Variants in RNGTT observed in about 807,000 individuals in gnomAD.
The protein encoded by RNGTT is mRNA-capping enzyme.
A neutral mutation model predicts 79.3 loss-of-function variants in RNGTT; 33 were observed. The ratio of observed to expected loss-of-function variants is 0.42; its 90% CI spans 0.32 to 0.56. The LOEUF (loss-of-function observed/expected upper bound fraction) is 0.56. Ranked by LOEUF, RNGTT falls within the 20% of genes least tolerant of loss-of-function variation. RNGTT has a pLI of 0.17. For missense variants in RNGTT, 497 were observed against 739.1 expected (o/e 0.67, Z 3.80); for synonymous variants, 222 against 235.9 (o/e 0.94, Z 0.54).
At chr6:88,892,072 C>G (rs1783068940) in intron 6 of RNGTT, among the ~76,000 whole-genome samples, 157 bp from the exon 7 acceptor site, 1 of 152,022 alleles carries the variant, frequency 6.6e-6, no homozygotes, top group Non-Finnish European at 1.5e-5. Context: ...ATAAACTCCC[C>G]TAAGATTGTA....
At chr6:88,803,509 G>A (rs548335052) in intron 11 of RNGTT, among the ~76,000 whole-genome samples, 9 of 150,390 alleles carry the variant, frequency 6.0e-5, no homozygotes, top group East Asian at 2.0e-4. Context: ...CCCAGGAGGC[G>A]GAGGTTGCAG....
At chr6:88,794,524 G>C (rs998815851) in intron 12 of RNGTT, among the ~76,000 whole-genome samples, 1 of 152,080 alleles carries the variant, frequency 6.6e-6, no homozygotes, top group Non-Finnish European at 1.5e-5. Flanking sequence ...CGCTATCCTA[G>C]ACAATGGAGG....
intron 13 of RNGTT, among the ~76,000 whole-genome samples, chr6:88,721,524 C>A (rs1368483750): frequency 6.6e-6 from 1 of 151,996 alleles, no homozygotes; most frequent in Non-Finnish European, 1.5e-5. Context: ...ATGCTTTCAG[C>A]CCACACTCTA....
intron 11 of RNGTT, among the ~76,000 whole-genome samples, chr6:88,819,028 T>A (rs1167513755): frequency 6.6e-6 from 1 of 152,178 alleles, no homozygotes; most frequent in Non-Finnish European, 1.5e-5. Context: ...TTCAACCTAC[T>A]TTCTTTCAGT....
chr6:88,643,786 G>C (rs1773418991), intron 14 of RNGTT, among the ~76,000 whole-genome samples: 4 of 152,180 alleles, frequency 2.6e-5, no homozygotes, highest in East Asian at 3.8e-4. Context: ...CAGAAATAAA[G>C]ATGTTCTTTG....
chr6:88,808,270 G>C (rs6941551), intron 11 of RNGTT, among the ~76,000 whole-genome samples: 6,135 of 152,114 alleles, frequency 0.04, 413 homozygotes, highest in African/African-American at 0.14. Flanking sequence ...TGTATAAAAG[G>C]AAATGAGGTA....
At chr6:88,945,512 T>G (rs1784979737) in intron 1 of RNGTT, among the ~76,000 whole-genome samples, 1 of 152,206 alleles carries the variant, frequency 6.6e-6, no homozygotes, top group Non-Finnish European at 1.5e-5. Context: ...TTTCTAGCTA[T>G]TCGTCCTCAA....
At chr6:88,797,939 G>GA (rs1779652028) in intron 12 of RNGTT, among the ~76,000 whole-genome samples, 1 of 55,756 alleles carries the variant, frequency 1.8e-5, no homozygotes, top group East Asian at 5.3e-4. Context: ...AGAAGCAAAA[G>GA]CCAAAAAAAA....
intron 13 of RNGTT, among the ~76,000 whole-genome samples, chr6:88,680,549 C>T (rs1162696365): frequency 1.3e-5 from 2 of 151,936 alleles, no homozygotes; most frequent in African/African-American, 4.8e-5. Flanking sequence ...TGAGACCAGC[C>T]TGACCAACAT....
chr6:88,860,003 C>T (rs188803073), intron 8 of RNGTT, among the ~76,000 whole-genome samples: 1 of 152,264 alleles, frequency 6.6e-6, no homozygotes, highest in East Asian at 1.9e-4. Context: ...ATGACATAAT[C>T]TCACCTGCAT....
intron 2 of RNGTT, among the ~76,000 whole-genome samples, chr6:88,932,425 A>G (rs1784540559): frequency 6.6e-6 from 1 of 152,022 alleles, no homozygotes; most frequent in African/African-American, 2.4e-5. Context: ...TTATTGCCCT[A>G]TGAAGCATGT....
chr6:88,657,375 G>A (rs1179693331), intron 14 of RNGTT, among the ~76,000 whole-genome samples: 3 of 152,206 alleles, frequency 2.0e-5, no homozygotes, highest in East Asian at 3.8e-4. Context: ...GGCACTCCTG[G>A]TCTCCAGCTT....
chr6:88,707,447 C>T (rs891777784), intron 13 of RNGTT, among the ~76,000 whole-genome samples: 7 of 151,926 alleles, frequency 4.6e-5, no homozygotes, highest in Admixed American at 3.3e-4. Flanking sequence ...TGAGCCTTCA[C>T]CTGAAAGGAA....
intron 14 of RNGTT, among the ~76,000 whole-genome samples, chr6:88,629,412 T>C (rs1202301644): frequency 1.3e-5 from 2 of 152,286 alleles, no homozygotes; most frequent in South Asian, 2.1e-4. Context: ...GATTTCTACA[T>C]TTAGAAGTAT....
At chr6:88,698,543 A>G (rs1775836160) in intron 13 of RNGTT, among the ~76,000 whole-genome samples, 1 of 151,542 alleles carries the variant, frequency 6.6e-6, no homozygotes. Context: ...AAAGGCCTTG[A>G]ACAAACTTTT....
chr6:88,790,355 C>T (rs1366129608), intron 12 of RNGTT, among the ~76,000 whole-genome samples: 2 of 152,164 alleles, frequency 1.3e-5, no homozygotes, highest in African/African-American at 2.4e-5. Context: ...TAGCTTCTCT[C>T]CTCCACTGCG....
chr6:88,855,498 CAA>C (rs34355921), intron 8 of RNGTT, among the ~76,000 whole-genome samples: 7 of 109,002 alleles, frequency 6.4e-5, no homozygotes, highest in Admixed American at 9.4e-5. Context: ...TAATCAGTTC[CAA>C]AAAAAAAAAA....
intron 14 of RNGTT, among the ~76,000 whole-genome samples, chr6:88,649,994 T>G (rs2127777349): frequency 6.6e-6 from 1 of 152,296 alleles, no homozygotes; most frequent in South Asian, 2.1e-4. Flanking sequence ...ACTATAATTT[T>G]TCATGATTTT....
At chr6:88,701,251 C>T (rs59368466) in intron 13 of RNGTT, among the ~76,000 whole-genome samples, 3,122 of 152,026 alleles carry the variant, frequency 0.021, 123 homozygotes, top group African/African-American at 0.07. Flanking sequence ...ATGTGGAAGG[C>T]CTAATTTTCC....
Sources: allele counts gnomAD v4.1 joint callset (sites outside exome capture counted in the v4.1 genomes callset), GRCh38; gene constraint gnomAD v4.1.1; transcripts MANE v1.5; gene names NCBI Gene and HGNC (gene_info 2026-07-23, HGNC 2026-07-21).